FNDC3A: variants seen among roughly 807,000 people sequenced by gnomAD.
FNDC3A encodes the protein fibronectin type-III domain-containing protein 3A.
A neutral mutation model predicts 148.9 loss-of-function variants in FNDC3A; 32 were observed. That is an observed-to-expected ratio of 0.21 (90% CI 0.16 to 0.29). The LOEUF is 0.29. Among genes scored for constraint, FNDC3A ranks in the 10% least tolerant of loss-of-function variants. FNDC3A has a pLI of 1.00. For missense variants in FNDC3A, 1,191 were observed against 1,452.8 expected, an observed-to-expected ratio of 0.82 and a Z score of 2.93; for synonymous variants, 472 against 473.6, an observed-to-expected ratio of 1.00 and a Z score of 0.04.
rs200054263 is a variant in FNDC3A, at chr13:49,107,276, TAG to T, written c.176-7376_176-7375del. The stretch of plus-strand genomic sequence containing the variant: ...AGTTATGTTAGAAAGTAGAGTTATA[TAG>T]AGTTATGTTAGAAAATAGAGTTACT... On this transcript the variant is annotated intron_variant, in intron 3 of 25. Coordinates refer to ENST00000492622, the MANE Select transcript of FNDC3A (RefSeq NM_001079673.2). 6.0e-4 allele frequency among the ~76,000 whole-genome samples: 91 copies of T among 152,336 alleles called. 1 individual carries two copies. The East Asian group carries it at 0.015, about 25-fold the overall frequency.
At chr13:48,977,542 CCT>C (rs1951625841) in intron 1 of FNDC3A, among the ~76,000 whole-genome samples, 1 of 152,102 alleles carries the variant, frequency 6.6e-6, no homozygotes, top group Non-Finnish European at 1.5e-5. Flanking sequence ...AGTTGAATCC[CCT>C]GTCTTTTGGA....
chr13:49,172,292 AC>A lies in FNDC3A; in HGVS notation c.1230+198del, dbSNP rs1285141267. ...TTAACTTCCCTATTTTCAATAAATC[AC>A]CATCAAAATTATTATTTAGGTAACT... On this transcript the variant is annotated intron_variant, in intron 11 of 25. Transcript: ENST00000492622. Among the ~76,000 whole-genome samples the A allele has an allele frequency of 5.3e-5, 8 of 152,336 alleles. 1 individual carries two copies. The South Asian group carries it at 1.7e-3, about 32-fold the overall frequency.
At chr13:49,018,434 C>T (rs991170696) in intron 2 of FNDC3A, among the ~76,000 whole-genome samples, 4 of 152,282 alleles carry the variant, frequency 2.6e-5, no homozygotes, top group Admixed American at 2.6e-4. Context: ...AGTTCTCGAG[C>T]GTTGGTTTTC....
At chr13:49,158,245 C>G (rs945517914) in intron 8 of FNDC3A, among the ~76,000 whole-genome samples, 1 of 152,146 alleles carries the variant, frequency 6.6e-6, no homozygotes, top group Non-Finnish European at 1.5e-5. Context: ...TTAAGCCGGT[C>G]GGAGAAGCGC....
chr13:49,181,753 CA>C (rs908422454), intron 14 of FNDC3A, among the ~76,000 whole-genome samples: 38 of 142,668 alleles, frequency 2.7e-4, no homozygotes, highest in East Asian at 6.1e-4. Context: ...AGAAAAGCTA[CA>C]AAAAAAAAAT....
chr13:49,101,794 G>GTTTTT (rs570292116), intron 3 of FNDC3A, among the ~76,000 whole-genome samples: 2 of 103,362 alleles, frequency 1.9e-5, no homozygotes, highest in African/African-American at 3.6e-5. Context: ...ACCTGCTTTA[G>GTTTTT]TTTTTTTTTT....
At chr13:49,174,630 T>G in intron 12 of FNDC3A, 71 bp downstream of exon 12, 1 of 1,334,102 alleles carries the variant, frequency 7.5e-7, no homozygotes, top group Non-Finnish European at 1.0e-6. Flanking sequence ...TATAATTATT[T>G]ACTGTCCAAA....
chr13:49,040,161 C>T (rs1874815680), intron 2 of FNDC3A, among the ~76,000 whole-genome samples: 1 of 152,104 alleles, frequency 6.6e-6, no homozygotes, highest in Non-Finnish European at 1.5e-5. Flanking sequence ...GCCGCCTTAC[C>T]AAAGACATGT....
chr13:49,078,282 T>G (rs1878248245), intron 3 of FNDC3A, among the ~76,000 whole-genome samples: 1 of 152,208 alleles, frequency 6.6e-6, no homozygotes, highest in South Asian at 2.1e-4. Context: ...TGATTTTATA[T>G]GCGGCAGTGA....
At chr13:49,096,426 TC>T (rs1165974573) in intron 3 of FNDC3A, among the ~76,000 whole-genome samples, 18 of 152,320 alleles carry the variant, frequency 1.2e-4, no homozygotes, top group African/African-American at 4.1e-4. Context: ...CAGAGTTCTG[TC>T]TTTGACATTC....
chr13:49,034,404 A>C (rs1159800146), intron 2 of FNDC3A, among the ~76,000 whole-genome samples: 1 of 151,970 alleles, frequency 6.6e-6, no homozygotes, highest in Non-Finnish European at 1.5e-5. Context: ...AGGTACACAC[A>C]CTTGTCATTT....
chr13:49,168,846 TTTAA>T, intron 10 of FNDC3A, 95 bp downstream of exon 10: 1 of 1,143,846 alleles, frequency 8.7e-7, no homozygotes, highest in Non-Finnish European at 1.3e-6. Context: ...GACAAAGAGC[TTTAA>T]TTTGTTCCTG....
intron 4 of FNDC3A, among the ~76,000 whole-genome samples, chr13:49,118,983 C>G (rs1392551929): frequency 6.6e-6 from 1 of 152,212 alleles, no homozygotes; most frequent in Non-Finnish European, 1.5e-5. Context: ...AGTGGATCTC[C>G]CAGCAGAGCT....
chr13:49,020,470 T>A (rs1204285034), intron 2 of FNDC3A, among the ~76,000 whole-genome samples: 1 of 152,240 alleles, frequency 6.6e-6, no homozygotes, highest in Admixed American at 6.5e-5. Flanking sequence ...AGCTTCTTAA[T>A]CTCTGTAGTT....
At chr13:48,975,812 C>G (rs913853262), upstream of FNDC3A, 13 of 151,616 alleles carry the variant, frequency 8.6e-5, no homozygotes, top group Admixed American at 6.6e-4. Context: ...TGAGAGAGCC[C>G]CGGCGCGGCG....
intron 11 of FNDC3A, among the ~76,000 whole-genome samples, chr13:49,174,103 G>C (rs1034961010): frequency 1.3e-5 from 2 of 152,114 alleles, no homozygotes; most frequent in Non-Finnish European, 2.9e-5. Context: ...CCCTATCAAA[G>C]ATCGTCACCC....
At chr13:49,107,906 G>A (rs1315937634) in intron 3 of FNDC3A, among the ~76,000 whole-genome samples, 1 of 152,128 alleles carries the variant, frequency 6.6e-6, no homozygotes, top group Non-Finnish European at 1.5e-5. Flanking sequence ...AGAGAAGACG[G>A]ATTGAACTTG....
At chr13:49,077,391 G>C (rs1878187497) in intron 3 of FNDC3A, among the ~76,000 whole-genome samples, 1 of 152,230 alleles carries the variant, frequency 6.6e-6, no homozygotes, top group South Asian at 2.1e-4. Flanking sequence ...CTGATGTAAA[G>C]CAAGACTGTC....
At chr13:49,126,349 C>A (rs908179004) in intron 4 of FNDC3A, among the ~76,000 whole-genome samples, 1 of 151,810 alleles carries the variant, frequency 6.6e-6, no homozygotes, top group Admixed American at 6.6e-5. Context: ...AGTTTAATGG[C>A]ATTAGGTACA....
Sources: allele counts gnomAD v4.1 joint callset (sites outside exome capture counted in the v4.1 genomes callset), GRCh38; gene constraint gnomAD v4.1.1; transcripts MANE v1.5; gene names NCBI Gene and HGNC (gene_info 2026-07-23, HGNC 2026-07-21).